The following ZNF521 variants were observed in gnomAD, a reference collection of about 807,000 sequenced individuals.
ZNF521 encodes zinc finger protein 521.
Under a neutral mutation model 105.5 loss-of-function variants are expected in ZNF521, and 14 were observed. The observed-to-expected ratio is 0.13, with a 90% CI of 0.09 to 0.21. ZNF521 has a LOEUF of 0.21. Ranked by LOEUF, ZNF521 falls within the 10% of genes least tolerant of loss-of-function variation. The probability of loss-of-function intolerance (pLI) is 1.00; values close to 1 mark genes in which losing one functional copy is unlikely to be tolerated. For missense variants in ZNF521, 1,233 were observed against 1,629.7 expected (o/e 0.76, Z 4.19); for synonymous variants, 635 against 606.0 (o/e 1.05, Z -0.70).
intron 7 of ZNF521, among the ~76,000 whole-genome samples, chr18:25,069,344 A>G (rs2033156729): frequency 6.6e-6 from 1 of 152,210 alleles, no homozygotes; most frequent in Admixed American, 6.5e-5. Context: ...ACCTTTAAGC[A>G]TCTTAATAAG....
At chr18:25,164,159 C>T (rs890978199) in intron 5 of ZNF521, among the ~76,000 whole-genome samples, 1 of 152,150 alleles carries the variant, frequency 6.6e-6, no homozygotes, top group Non-Finnish European at 1.5e-5. Context: ...ACTTCCCTGC[C>T]AAATAGCTTG....
intron 2 of ZNF521, among the ~76,000 whole-genome samples, chr18:25,336,308 T>C (rs1913879532): frequency 6.6e-6 from 1 of 152,118 alleles, no homozygotes; most frequent in Admixed American, 6.5e-5. Flanking sequence ...ACTAATTCTT[T>C]TGTAAACCCA....
At chr18:25,144,466 C>A (rs78766277) in intron 5 of ZNF521, among the ~76,000 whole-genome samples, 15 of 152,094 alleles carry the variant, frequency 9.9e-5, no homozygotes, top group Non-Finnish European at 1.8e-4. Flanking sequence ...TAATTCAGCA[C>A]AATCAGCTAC....
chr18:25,171,054 TA>T (rs1360773135), intron 5 of ZNF521, among the ~76,000 whole-genome samples: 1 of 152,142 alleles, frequency 6.6e-6, no homozygotes, highest in Non-Finnish European at 1.5e-5. Flanking sequence ...CAACTTAAAA[TA>T]ATTGCATTCA....
chr18:25,207,165 G>A (rs1354893828), intron 4 of ZNF521, among the ~76,000 whole-genome samples: 1 of 152,090 alleles, frequency 6.6e-6, no homozygotes, highest in East Asian at 1.9e-4. Flanking sequence ...GGATTGAAAC[G>A]GACAAGTAAG....
intron 5 of ZNF521, among the ~76,000 whole-genome samples, chr18:25,161,232 A>T (rs1267534642): frequency 6.6e-6 from 1 of 152,194 alleles, no homozygotes; most frequent in Non-Finnish European, 1.5e-5. Flanking sequence ...TTTCTAAAAC[A>T]CACACATACC....
At position 25,139,378 on chromosome 18, in the gene ZNF521, A is replaced by G. The variant is rs867415878; in HGVS notation, c.3659-47297T>C. 8.1e-3 allele frequency among the ~76,000 whole-genome samples: 375 copies of G among 46,392 alleles called. 1 individual carries two copies. The highest frequency in any genetic ancestry group is 0.032 in the African/African-American group (355 of 10,970). 30.4% of individuals were successfully genotyped at this position (46,392 alleles called of 152,430 possible). On this transcript the variant is annotated intron_variant, in intron 5 of 7. Transcript: ENST00000361524. ...ACAGAGCAAGACTCTGTCTCAAAAA[A>G]AAAAAAAAAAAAAAAAAAAAAAAAG... is the stretch of plus-strand genomic sequence containing the variant.
At chr18:25,210,571 G>A (rs940587212) in intron 4 of ZNF521, among the ~76,000 whole-genome samples, 1 of 152,092 alleles carries the variant, frequency 6.6e-6, no homozygotes, top group African/African-American at 2.4e-5. Flanking sequence ...ATACTTACGA[G>A]GTGTCTAATG....
chr18:25,186,869 A>C (rs1307672745), intron 5 of ZNF521, among the ~76,000 whole-genome samples: 1 of 150,410 alleles, frequency 6.6e-6, no homozygotes, highest in African/African-American at 2.5e-5. Flanking sequence ...TAGAAATGTC[A>C]CCCACCACTT....
intron 5 of ZNF521, among the ~76,000 whole-genome samples, chr18:25,125,939 C>T (rs144072161): frequency 1.7e-4 from 26 of 152,052 alleles, no homozygotes; most frequent in Non-Finnish European, 7.4e-5. Context: ...CTAGTTGTAG[C>T]AAGCTTTTTG....
chr18:25,284,901 TGC>T (rs34702394), intron 3 of ZNF521, among the ~76,000 whole-genome samples: 2 of 146,196 alleles, frequency 1.4e-5, no homozygotes, highest in Non-Finnish European at 1.5e-5. Flanking sequence ...CTCATGTGCG[TGC>T]GCGCGCGCAC....
chr18:25,335,585 T>C (rs1431216210), intron 2 of ZNF521, among the ~76,000 whole-genome samples: 2 of 152,248 alleles, frequency 1.3e-5, no homozygotes, highest in Admixed American at 6.5e-5. Flanking sequence ...TTTAAAGATA[T>C]TCCACTCATT....
chr18:25,268,025 A>C (rs564546134), intron 3 of ZNF521, among the ~76,000 whole-genome samples: 71 of 152,344 alleles, frequency 4.7e-4, no homozygotes, highest in African/African-American at 1.6e-3. Context: ...AAGGAAGCTA[A>C]GAACACTGAA....
chr18:25,336,633 C>G (rs1314386685), intron 2 of ZNF521, among the ~76,000 whole-genome samples: 1 of 152,146 alleles, frequency 6.6e-6, no homozygotes, highest in Non-Finnish European at 1.5e-5. Flanking sequence ...TGGACTGGAT[C>G]AATGCATTGG....
rs185813342 is a variant in ZNF521, at chr18:25,336,190, A to C, written c.41-14003T>G. Among the ~76,000 whole-genome samples the C allele has an allele frequency of 4.2e-4, 64 of 152,284 alleles. No homozygotes were observed. In the East Asian group the frequency reaches 0.012, roughly 28 times the overall value. ...CCTTCCACATTCAATCTCTATACCCACATGTGCTTCTAGACAACACAGAAT... is the reference window on the plus strand; with the variant it reads ...CCTTCCACATTCAATCTCTATACCCCCATGTGCTTCTAGACAACACAGAAT... On this transcript the variant is annotated intron_variant, in intron 2 of 7. Transcript: ENST00000361524.
chr18:25,229,883 A>G (rs12965214), intron 3 of ZNF521, among the ~76,000 whole-genome samples: 1,915 of 152,350 alleles, frequency 0.013, 26 homozygotes, highest in Middle Eastern at 0.031. Context: ...AAGTGAATTT[A>G]TAATTAAATT....
chr18:25,136,949 C>T (rs4433884), intron 5 of ZNF521, among the ~76,000 whole-genome samples: 140,640 of 152,092 alleles, frequency 0.92, 65,442 homozygotes, highest in Middle Eastern at 0.99. Context: ...TTGGGAAAAA[C>T]ACAGGCAGGG....
intron 5 of ZNF521, among the ~76,000 whole-genome samples, chr18:25,104,602 G>A (rs780946910): frequency 2.6e-5 from 4 of 152,180 alleles, no homozygotes; most frequent in Non-Finnish European, 5.9e-5. Context: ...CAGTAGCAAT[G>A]TTTGGTTCCT....
intron 3 of ZNF521, among the ~76,000 whole-genome samples, chr18:25,262,722 C>G (rs1908994365): frequency 6.6e-6 from 1 of 152,086 alleles, no homozygotes; most frequent in African/African-American, 2.4e-5. Flanking sequence ...CTCAAAGAGA[C>G]AGGAGGGCTG....
Sources: gnomAD v4.1 joint callset for allele counts (sites outside exome capture counted in the v4.1 genomes callset) on GRCh38, gnomAD v4.1.1 for gene constraint, MANE v1.5 for transcripts, NCBI Gene and HGNC (gene_info 2026-07-23, HGNC 2026-07-21) for gene names.